The following ATP5F1A variants were observed in gnomAD, a reference collection of about 807,000 sequenced individuals.
ATP5F1A encodes ATP synthase F1 subunit alpha, also known as ATP synthase F(1) complex subunit alpha, mitochondrial.
A neutral mutation model predicts 57.4 loss-of-function variants in ATP5F1A; 24 were observed. The ratio of observed to expected loss-of-function variants is 0.42; its 90% CI spans 0.30 to 0.59. The LOEUF is 0.59. ATP5F1A is among the 20% of genes least tolerant of loss of function. The probability of loss-of-function intolerance (pLI) is 0.19; values close to 1 mark genes in which losing one functional copy is unlikely to be tolerated. For missense variants in ATP5F1A, 494 were observed against 707.9 expected (o/e 0.70, Z 3.43); for synonymous variants, 251 against 255.5 (o/e 0.98, Z 0.17).
upstream of ATP5F1A, chr18:46,098,325 C>A: frequency 6.9e-7 from 1 of 1,454,898 alleles, no homozygotes. Context: ...TCAAGACAGC[C>A]GGCCCACCTG....
intron 6 of ATP5F1A, chr18:46,087,753 A>G: frequency 2.2e-6 from 1 of 453,080 alleles, no homozygotes; most frequent in Non-Finnish European, 3.9e-6. Flanking sequence ...GGTGGCATGC[A>G]CCTGTAATCC....
rs764956232 is a variant in ATP5F1A, at chr18:46,087,381, C to T, written c.911G>A (p.Gly304Asp). Residue 304 changes from glycine (G) to aspartate (D), a missense_variant, in exon 7 of 12, where the codon GGC (glycine) becomes GAC (aspartate). Transcript: ENST00000398752. ...GTCATAGATGATCAAAGCATGTTTG[C>T]CATTGTCTCTAAAATACTCTCCCAT... ...CSMGEYFRDN[G>D]KHALIIYDDL... 3.7e-6 allele frequency: 6 copies of T among 1,613,984 alleles called. No homozygotes were observed. The highest frequency in any genetic ancestry group is 1.3e-5 in the African/African-American group (1 of 74,888).
intron 9 of ATP5F1A, 34 bp downstream of exon 9, chr18:46,086,353 T>C (rs371318657): frequency 4.3e-4 from 692 of 1,612,862 alleles, no homozygotes; most frequent in Non-Finnish European, 5.1e-4. Context: ...AATCTAATGA[T>C]AGCCCCCTTA....
At position 46,082,695 on chromosome 18, in the gene ATP5F1A, AAGT is replaced by A. The variant is rs1182015731; in HGVS notation, c.*1584_*1586del. 2.0e-5 allele frequency: 3 copies of A among 152,050 alleles called. No homozygotes were observed. Among genetic ancestry groups the A allele is most frequent in the Admixed American group, 1.3e-4 (2 of 15,222 alleles). The allele number at this position is 152,050 out of a possible 1,614,324, so 9.4% of individuals were successfully genotyped here. A position where few individuals can be genotyped will look rare whatever the true frequency, so the allele number is the denominator to read the frequency against. ...CTCCATCTCAAATAAATAAATAACT[AAGT>A]AAAAAAAAAGGTAACACATTAAGAA... On this transcript the variant is annotated 3_prime_UTR_variant, in exon 12 of 12. Coordinates refer to ENST00000398752, the MANE Select transcript of ATP5F1A (RefSeq NM_004046.6).
chr18:46,098,008 A>G (rs1911092013), intron 1 of ATP5F1A, 164 bp downstream of exon 1: 1 of 1,410,930 alleles, frequency 7.1e-7, no homozygotes, highest in East Asian at 2.6e-5. Flanking sequence ...GACGAGCAAA[A>G]GGGCACCTGT....
chr18:46,103,146 T>G (rs1311168863), upstream of ATP5F1A, among the ~76,000 whole-genome samples: 1 of 150,994 alleles, frequency 6.6e-6, no homozygotes, highest in Non-Finnish European at 1.5e-5. Flanking sequence ...CTACTAAAAA[T>G]AAAAAAATTA....
intron 4 of ATP5F1A, 26 bp downstream of exon 4, chr18:46,089,797 C>T (rs1910417646): frequency 6.2e-7 from 1 of 1,609,430 alleles, no homozygotes; most frequent in Admixed American, 1.7e-5. Flanking sequence ...GAAGCTGCAA[C>T]TATATCTAAC....
chr18:46,084,641 A>G lies in ATP5F1A; in HGVS notation c.1443T>C (p.Ile481=), dbSNP rs1292604953. The G allele has an allele frequency of 6.3e-7, 1 of 1,585,072 alleles. No homozygotes were observed. The highest frequency in any genetic ancestry group is 1.2e-5 in the South Asian group (1 of 85,170). ...CATAGATAACAGCCACTTGTTCTTC[A>G]ATAGCCATGGGAGCTGAAAAGATAC... is the stretch of plus-strand genomic sequence containing the variant. The part of the protein sequence containing the change: ...LKQGQYSPMA[I]EEQVAVIYAG... Residue 481 remains isoleucine (I), a synonymous_variant, in exon 11 of 12, where the codon ATT becomes ATC. Coordinates refer to ENST00000398752, the MANE Select transcript of ATP5F1A (RefSeq NM_004046.6).
upstream of ATP5F1A, among the ~76,000 whole-genome samples, chr18:46,102,173 C>T (rs1445925442): frequency 9.1e-6 from 1 of 110,140 alleles, no homozygotes; most frequent in Non-Finnish European, 2.0e-5. Context: ...GACTCCCTCT[C>T]AAAAAAAAAA....
rs1568250394 is a variant in ATP5F1A, at chr18:46,091,800, GTA to G, written c.189_190del (p.Thr64LeufsTer3). 1 of 1,613,650 alleles carries G rather than the reference GTA, an allele frequency of 6.2e-7. No individual in the cohort carries two copies. Among genetic ancestry groups the G allele is most frequent in the Non-Finnish European group, 8.5e-7 (1 of 1,179,964 alleles). On this transcript the variant is annotated frameshift_variant, in exon 3 of 12. Transcript: ENST00000398752. LOFTEE classifies it high-confidence loss of function. ...CCCAGTTTCTTCAAGATCAACAGAG[GTA>G]TCAGCTCCAAGAATACGCTCTTCAA... is the stretch of plus-strand genomic sequence containing the variant.
chr18:46,086,107 A>G lies in ATP5F1A; in HGVS notation c.1429+6T>C. 5 of 1,611,490 alleles carry G rather than the reference A, an allele frequency of 3.1e-6. No homozygotes were observed. The highest frequency in any genetic ancestry group is 4.2e-6 in the Non-Finnish European group (5 of 1,179,668). ...ACCTGACCAAATGAAGAAAAGAACA[A>G]CTTACAATACTGTCCTTGCTTCAGC... On this transcript the variant is annotated splice_donor_region_variant and intron_variant, in intron 10 of 11. Transcript: ENST00000398752.
upstream of ATP5F1A, among the ~76,000 whole-genome samples, chr18:46,100,025 T>C (rs1037277119): frequency 3.3e-5 from 5 of 150,012 alleles, no homozygotes; most frequent in African/African-American, 4.9e-5. Context: ...CTGAGGCGGG[T>C]GGATCACCTG....
In ATP5F1A at chr18:46,086,654, G is replaced by A. The variant is rs1484118711; in HGVS notation, c.1177-160C>T. The stretch of plus-strand genomic sequence containing the variant: ...GACCTGACCTGTATATTTTATTGCT[G>A]CAATTAGGAGATGTGCATGAGATGA... On this transcript the variant is annotated intron_variant, in intron 8 of 11. Transcript: ENST00000398752. 11 of 654,076 alleles carry A rather than the reference G, an allele frequency of 1.7e-5. No homozygotes were observed. The East Asian group carries it at 3.0e-4, about 18-fold the overall frequency. 40.5% of individuals were successfully genotyped at this position (654,076 alleles called of 1,614,324 possible). A position where few individuals can be genotyped will look rare whatever the true frequency, so the allele number is the denominator to read the frequency against.
At chr18:46,101,202 T>C (rs72903442), upstream of ATP5F1A, among the ~76,000 whole-genome samples, 9,786 of 152,240 alleles carry the variant, frequency 0.064, 408 homozygotes, top group African/African-American at 0.12. Context: ...CTCTTGACAC[T>C]GTTTTAGTTG....
chr18:46,082,233 A>G lies in ATP5F1A; in HGVS notation c.*2049T>C, dbSNP rs1018873009. On this transcript the variant is annotated 3_prime_UTR_variant, in exon 12 of 12. Transcript: ENST00000398752. ...CCCGTCTCTACTAAAAATACAAAAA[A>G]AAAAAAATTAGCTGGGCGTGATGGC... 6.7e-6 allele frequency: 1 copy of G among 149,086 alleles called. No homozygotes were observed. Among genetic ancestry groups the G allele is most frequent in the African/African-American group, 2.5e-5 (1 of 40,346 alleles). The allele number at this position is 149,086 out of a possible 1,614,324, so 9.2% of individuals were successfully genotyped here. A position where few individuals can be genotyped will look rare whatever the true frequency, so the allele number is the denominator to read the frequency against.
At chr18:46,092,399 A>C (rs1320299932) in intron 2 of ATP5F1A, among the ~76,000 whole-genome samples, 3 of 151,126 alleles carry the variant, frequency 2.0e-5, no homozygotes, top group South Asian at 4.2e-4. Flanking sequence ...ACTTGAGGTA[A>C]GGAGTTCGAG....
At chr18:46,099,418 T>A (rs368855426), upstream of ATP5F1A, 1 of 152,086 alleles carries the variant, frequency 6.6e-6, no homozygotes. Flanking sequence ...TGGACACTTA[T>A]TAACGTTGCC....
chr18:46,100,311 A>G (rs1008936111), upstream of ATP5F1A, among the ~76,000 whole-genome samples: 7 of 152,098 alleles, frequency 4.6e-5, no homozygotes, highest in South Asian at 1.5e-3. Context: ...AGGCTGTCCA[A>G]GTAAAATAAA....
intron 2 of ATP5F1A, among the ~76,000 whole-genome samples, chr18:46,093,008 G>T (rs1910676817): frequency 6.6e-6 from 1 of 151,874 alleles, no homozygotes; most frequent in South Asian, 2.1e-4. Context: ...AGTTTGCCGG[G>T]CATGGTGGTG....
Sources: gnomAD v4.1 joint callset for allele counts (sites outside exome capture counted in the v4.1 genomes callset) on GRCh38, gnomAD v4.1.1 for gene constraint, MANE v1.5 for transcripts, NCBI Gene and HGNC (gene_info 2026-07-23, HGNC 2026-07-21) for gene names.